Variants in CIDEA observed in about 807,000 individuals in gnomAD.
The protein encoded by CIDEA is cell death inducing DFFA like effector a.
Under a neutral mutation model 18.2 loss-of-function variants are expected in CIDEA, and 10 were observed. That is an observed-to-expected ratio of 0.55 (90% CI 0.34 to 0.93). CIDEA has a LOEUF of 0.93. Among genes scored for constraint, CIDEA ranks in the 40% least tolerant of loss-of-function variants. CIDEA has a pLI of 0.02. For missense variants in CIDEA, 309 were observed against 293.1 expected (o/e 1.05, Z -0.40); for synonymous variants, 128 against 124.8 (o/e 1.03, Z -0.17).
chr18:12,275,185 T>C (rs1036159002), intron 4 of CIDEA, among the ~76,000 whole-genome samples: 35 of 152,218 alleles, frequency 2.3e-4, no homozygotes, highest in African/African-American at 8.2e-4. Context: ...TAGCTGGGCG[T>C]GGTGGCGGAT....
At position 12,275,988 on chromosome 18, in the gene CIDEA, C is replaced by CT. The variant is rs1905316387; in HGVS notation, c.513-1131dup. Among the ~76,000 whole-genome samples, 8 of 76,602 alleles carry CT rather than the reference C, an allele frequency of 1.0e-4. 2 individuals are homozygous for CT. Among genetic ancestry groups the CT allele is most frequent in the South Asian group, 4.7e-4 (1 of 2,118 alleles). The allele number at this position is 76,602 out of a possible 152,430, so 50.3% of individuals were successfully genotyped here. On this transcript the variant is annotated intron_variant, in intron 4 of 4. Coordinates refer to ENST00000320477, the MANE Select transcript of CIDEA (RefSeq NM_001279.4). ...CCTCAGTGAAATCTTTTTTCTTTTT[C>CT]TTTTCTTATTTTTTTTCTTTTTTGA... is the stretch of plus-strand genomic sequence containing the variant.
chr18:12,259,730 G>A (rs1453362719), intron 1 of CIDEA, among the ~76,000 whole-genome samples: 2 of 151,990 alleles, frequency 1.3e-5, no homozygotes, highest in Non-Finnish European at 2.9e-5. Flanking sequence ...GCATGGTAGC[G>A]GGCGCCTGTA....
In CIDEA at chr18:12,254,773, C is replaced by T. The variant is rs753374958; in HGVS notation, c.38+352C>T. On this transcript the variant is annotated intron_variant, in intron 1 of 4. Coordinates refer to ENST00000320477, the MANE Select transcript of CIDEA (RefSeq NM_001279.4). ...CTGGCCGCTGCTGCAGTCGCGGGCG[C>T]AGAAGAGGGTCCGGTCCCAGGAACC... 7.2e-6 allele frequency: 10 copies of T among 1,381,758 alleles called. No individual in the cohort carries two copies. The African/African-American group carries it at 1.2e-4, about 16-fold the overall frequency. 85.6% of individuals were successfully genotyped at this position (1,381,758 alleles called of 1,614,324 possible). A position where few individuals can be genotyped will look rare whatever the true frequency, so the allele number is the denominator to read the frequency against.
intron 4 of CIDEA, among the ~76,000 whole-genome samples, chr18:12,276,020 A>G (rs1260891048): frequency 7.1e-6 from 1 of 140,650 alleles, no homozygotes; most frequent in Non-Finnish European, 1.5e-5. Context: ...TTGAGACGGA[A>G]TCTCACTCTG....
chr18:12,254,957 G>T (rs34939372), intron 1 of CIDEA: 4 of 1,214,780 alleles, frequency 3.3e-6, no homozygotes, highest in Non-Finnish European at 4.2e-6. Context: ...AGCCCTCCAG[G>T]TTGGTGGTGC....
intron 1 of CIDEA, among the ~76,000 whole-genome samples, chr18:12,260,047 A>G (rs1176831336): frequency 6.6e-6 from 1 of 152,302 alleles, no homozygotes; most frequent in African/African-American, 2.4e-5. Context: ...TTGGTGAGGC[A>G]CCTGGAGAAG....
intron 3 of CIDEA, among the ~76,000 whole-genome samples, chr18:12,267,392 G>C (rs150212854): frequency 6.6e-6 from 1 of 152,372 alleles, no homozygotes; most frequent in East Asian, 1.9e-4. Flanking sequence ...CTCTTCAGCT[G>C]TGAAAATGTG....
chr18:12,258,229 G>C (rs1015662451), intron 1 of CIDEA, among the ~76,000 whole-genome samples: 3 of 152,222 alleles, frequency 2.0e-5, no homozygotes, highest in African/African-American at 7.2e-5. Flanking sequence ...GGGAGAACCA[G>C]AAATGGTTGC....
chr18:12,270,468 A>T (rs1444944582), intron 3 of CIDEA, among the ~76,000 whole-genome samples: 1 of 152,148 alleles, frequency 6.6e-6, no homozygotes, highest in Non-Finnish European at 1.5e-5. Context: ...AGGTGGGTGG[A>T]TCACAAGGTC....
chr18:12,268,807 C>G (rs1290726738), intron 3 of CIDEA, among the ~76,000 whole-genome samples: 2 of 151,442 alleles, frequency 1.3e-5, no homozygotes, highest in African/African-American at 4.9e-5. Context: ...AAGTAATAAC[C>G]CAATACAGAT....
rs147150550 is a variant in CIDEA at position 12,262,873 on chromosome 18, G to A, written c.87G>A (p.Pro29=). 100 of 1,614,086 alleles carry A rather than the reference G, an allele frequency of 6.2e-5. No individual in the cohort carries two copies. In the African/African-American group the frequency reaches 7.2e-4, roughly 12 times the overall value. ...GSQTKRVLFT[P]LMHPARPFRV... ...AGACTAAGCGAGTCCTGTTCACCCC[G>A]CTCATGCATCCAGCTCGCCCTTTCC... The change falls in exon 2 of 5, where the codon CCG becomes CCA. Residue 29 remains proline (P), a synonymous_variant. Coordinates refer to ENST00000320477, the MANE Select transcript of CIDEA (RefSeq NM_001279.4).
At chr18:12,266,361 G>A (rs554974270) in intron 3 of CIDEA, among the ~76,000 whole-genome samples, 26 of 152,108 alleles carry the variant, frequency 1.7e-4, no homozygotes, top group African/African-American at 2.7e-4. Flanking sequence ...AGGCTGAGGC[G>A]GGAGAACCAC....
chr18:12,276,000 TTTTTC>T (rs1905320200), intron 4 of CIDEA, among the ~76,000 whole-genome samples: 4 of 145,440 alleles, frequency 2.8e-5, no homozygotes, highest in Non-Finnish European at 6.1e-5. Flanking sequence ...TTTCTTATTT[TTTTTC>T]TTTTTTGAGA....
rs184806888 is a variant in CIDEA, at chr18:12,275,725, G to A, written c.513-1398G>A. Among the ~76,000 whole-genome samples, 9 of 152,308 alleles carry A rather than the reference G, an allele frequency of 5.9e-5. No homozygotes were observed. In the East Asian group the frequency reaches 1.7e-3, roughly 29 times the overall value. ...GGCCTCACCTGAGGTGGGCCAGGGT[G>A]TGTGGCTTCTCTGTGGCCTCAGTTT... is the stretch of plus-strand genomic sequence containing the variant. On this transcript the variant is annotated intron_variant, in intron 4 of 4. Coordinates refer to ENST00000320477, the MANE Select transcript of CIDEA (RefSeq NM_001279.4).
Position 12,254,440 on chromosome 18 carries a change from C to G in CIDEA, c.38+19C>G. The G allele has an allele frequency of 6.3e-7, 1 of 1,597,210 alleles. No individual in the cohort carries two copies. The highest frequency in any genetic ancestry group is 8.5e-7 in the Non-Finnish European group (1 of 1,175,248). On this transcript the variant is annotated intron_variant, in intron 1 of 4. Coordinates refer to ENST00000320477, the MANE Select transcript of CIDEA (RefSeq NM_001279.4). Reference sequence around the variant, plus strand: ...TCATCAGGCGAGTGCCCCGCGTCCCCCTGATTGCCGTGCGCTTCCAATCGC... The same window carrying G: ...TCATCAGGCGAGTGCCCCGCGTCCCGCTGATTGCCGTGCGCTTCCAATCGC...
chr18:12,275,138 C>A (rs1912670363), intron 4 of CIDEA, among the ~76,000 whole-genome samples: 1 of 152,222 alleles, frequency 6.6e-6, no homozygotes, highest in South Asian at 2.1e-4. Flanking sequence ...GCCTAGCCAA[C>A]ATGGCGAAAC....
chr18:12,264,605 G>C (rs1161761966), intron 3 of CIDEA, 152 bp downstream of exon 3: 10 of 595,052 alleles, frequency 1.7e-5, no homozygotes, highest in Non-Finnish European at 2.5e-5. Flanking sequence ...CCAGGCTGGA[G>C]TGCAGTGGCG....
chr18:12,267,956 AC>A (rs1912397485), intron 3 of CIDEA, among the ~76,000 whole-genome samples: 1 of 152,142 alleles, frequency 6.6e-6, no homozygotes, highest in South Asian at 2.1e-4. Context: ...GCACAGGACA[AC>A]CCCGACAGCA....
rs1912420215 is a variant in CIDEA, at chr18:12,268,403, T to C, written c.330+3950T>C. 4.7e-5 allele frequency among the ~76,000 whole-genome samples: 7 copies of C among 148,808 alleles called. No homozygotes were observed. In the South Asian group the frequency reaches 1.5e-3, roughly 32 times the overall value. ...TGGTTTTTTTTTTTTTTTAATTTGT[T>C]TGCTTTTTGTTTGGAGACAGTCTTG... is the stretch of plus-strand genomic sequence containing the variant. On this transcript the variant is annotated intron_variant, in intron 3 of 4. Coordinates refer to ENST00000320477, the MANE Select transcript of CIDEA (RefSeq NM_001279.4).
Sources: allele counts gnomAD v4.1 joint callset (sites outside exome capture counted in the v4.1 genomes callset), GRCh38; gene constraint gnomAD v4.1.1; transcripts MANE v1.5; gene names NCBI Gene and HGNC (gene_info 2026-07-23, HGNC 2026-07-21).